ELMO1: variants seen among roughly 807,000 people sequenced by gnomAD.
ELMO1 encodes engulfment and cell motility protein 1.
A neutral mutation model predicts 98.9 loss-of-function variants in ELMO1; 26 were observed. The observed-to-expected ratio is 0.26, with a 90% CI of 0.19 to 0.36. The LOEUF (loss-of-function observed/expected upper bound fraction) is 0.36, where lower values mean the gene tolerates loss of function less well. Ranked by LOEUF, ELMO1 falls within the 10% of genes least tolerant of loss-of-function variation. The probability of loss-of-function intolerance (pLI) is 1.00; values close to 1 mark genes in which losing one functional copy is unlikely to be tolerated. For missense variants in ELMO1, 627 were observed against 935.2 expected, an observed-to-expected ratio of 0.67 and a Z score of 4.30; for synonymous variants, 346 against 346.0, an observed-to-expected ratio of 1.00 and a Z score of 0.00.
chr7:37,429,852 G>A (rs1804859547), intron 1 of ELMO1: 1 of 152,198 alleles, frequency 6.6e-6, no homozygotes, highest in South Asian at 2.1e-4. Context: ...CATCCCTAAG[G>A]GGGCTTCAGA....
At chr7:37,248,759 C>T (rs922602696) in intron 6 of ELMO1, among the ~76,000 whole-genome samples, 1 of 152,230 alleles carries the variant, frequency 6.6e-6, no homozygotes, top group Non-Finnish European at 1.5e-5. Context: ...GGCTGCAAGG[C>T]AGCAAGTAGA....
chr7:37,124,886 T>C (rs982156264), intron 14 of ELMO1, among the ~76,000 whole-genome samples: 2 of 152,180 alleles, frequency 1.3e-5, no homozygotes, highest in Non-Finnish European at 2.9e-5. Context: ...CTTCAAACTA[T>C]ACTATAAGGC....
At chr7:37,442,522 C>T (rs1023024536) in intron 1 of ELMO1, among the ~76,000 whole-genome samples, 15 of 152,140 alleles carry the variant, frequency 9.9e-5, no homozygotes, top group Admixed American at 2.0e-4. Flanking sequence ...AAAGAATAAA[C>T]GCCCATTCTT....
intron 16 of ELMO1, among the ~76,000 whole-genome samples, chr7:36,899,700 T>TTTTTTTTTTTTTTTTTTTTTTTTTTTTC (rs60221089): frequency 7.0e-6 from 1 of 143,542 alleles, no homozygotes; most frequent in Non-Finnish European, 1.5e-5. Flanking sequence ...TTTTTTTTTT[T>TTTTTTTTTTTTTTTTTTTTTTTTTTTTC]ACCACTCCTA....
chr7:37,405,389 C>T (rs1281259047), intron 1 of ELMO1, among the ~76,000 whole-genome samples: 1 of 152,172 alleles, frequency 6.6e-6, no homozygotes, highest in Non-Finnish European at 1.5e-5. Flanking sequence ...ACACCCAGAG[C>T]TTGCTTATCT....
chr7:36,908,862 C>T (rs1371339021), intron 16 of ELMO1, among the ~76,000 whole-genome samples: 1 of 152,196 alleles, frequency 6.6e-6, no homozygotes, highest in African/African-American at 2.4e-5. Context: ...CAACAGAATG[C>T]TGACTATTAG....
chr7:36,927,340 C>G (rs1161042594), intron 16 of ELMO1, among the ~76,000 whole-genome samples: 1 of 152,158 alleles, frequency 6.6e-6, no homozygotes, highest in Non-Finnish European at 1.5e-5. Flanking sequence ...AAACAACTAG[C>G]GAAATCAAGA....
intron 1 of ELMO1, among the ~76,000 whole-genome samples, chr7:37,436,318 T>C (rs751114944): frequency 1.3e-5 from 2 of 152,216 alleles, no homozygotes; most frequent in African/African-American, 4.8e-5. Context: ...GAATAACCCA[T>C]GTTTACCACT....
intron 17 of ELMO1, among the ~76,000 whole-genome samples, chr7:36,889,294 G>A (rs1805340460): frequency 6.6e-6 from 1 of 152,130 alleles, no homozygotes; most frequent in Non-Finnish European, 1.5e-5. Flanking sequence ...CCCTGTACAG[G>A]TCTCTTAGGG....
At chr7:36,976,691 T>C (rs985110029) in intron 16 of ELMO1, among the ~76,000 whole-genome samples, 1 of 152,228 alleles carries the variant, frequency 6.6e-6, no homozygotes, top group Non-Finnish European at 1.5e-5. Flanking sequence ...GGCCTTTCTT[T>C]TATCAAGAGG....
In ELMO1 at chr7:36,901,036, A is replaced by T. The variant is rs116323707; in HGVS notation, c.1438-6019T>A. On this transcript the variant is annotated intron_variant, in intron 16 of 21. Transcript: ENST00000310758. The stretch of plus-strand genomic sequence containing the variant: ...CACTCTAAGGGTACAATGTGGAGAA[A>T]TGGCCTTGCCCAGAAAAAGTGTCAG... Among the ~76,000 whole-genome samples, 1,379 of 152,286 alleles carry T rather than the reference A, an allele frequency of 9.1e-3. 19 individuals carry two copies. Among genetic ancestry groups the T allele is most frequent in the African/African-American group, 0.031 (1,291 of 41,546 alleles).
chr7:36,985,866 A>G, intron 16 of ELMO1: 1 of 990,314 alleles, frequency 1.0e-6, no homozygotes, highest in Non-Finnish European at 1.2e-6. Context: ...ACAAAGCTAC[A>G]TTTAGCTCAG....
At chr7:37,427,364 C>T (rs1390262920) in intron 1 of ELMO1, among the ~76,000 whole-genome samples, 4 of 152,184 alleles carry the variant, frequency 2.6e-5, no homozygotes, top group Non-Finnish European at 1.5e-5. Flanking sequence ...CCAGGAAAAA[C>T]ACTTGCTTTA....
intron 5 of ELMO1, among the ~76,000 whole-genome samples, chr7:37,265,334 A>G (rs1457764702): frequency 6.6e-6 from 1 of 152,042 alleles, no homozygotes; most frequent in African/African-American, 2.4e-5. Flanking sequence ...TGTATCATCA[A>G]TTCTCTCTCT....
At chr7:37,313,571 G>A (rs934765822) in intron 4 of ELMO1, among the ~76,000 whole-genome samples, 1 of 152,292 alleles carries the variant, frequency 6.6e-6, no homozygotes, top group East Asian at 1.9e-4. Context: ...AACATTTGAC[G>A]TGAAGAAGAA....
intron 1 of ELMO1, among the ~76,000 whole-genome samples, chr7:37,408,878 T>C (rs1803884538): frequency 6.6e-6 from 1 of 152,214 alleles, no homozygotes; most frequent in African/African-American, 2.4e-5. Context: ...TGCTGTATAC[T>C]TCAAATGGTG....
At chr7:36,936,516 G>C (rs1786547690) in intron 16 of ELMO1, among the ~76,000 whole-genome samples, 1 of 152,146 alleles carries the variant, frequency 6.6e-6, no homozygotes, top group South Asian at 2.1e-4. Context: ...GGAGTGCCAT[G>C]GTGCAATCAT....
chr7:36,886,622 T>G (rs1406311797), intron 18 of ELMO1, among the ~76,000 whole-genome samples: 1 of 152,166 alleles, frequency 6.6e-6, no homozygotes, highest in Non-Finnish European at 1.5e-5. Flanking sequence ...CAAATCTTAC[T>G]TTTCAGTTTT....
chr7:37,000,495 G>C (rs756773496), intron 16 of ELMO1, among the ~76,000 whole-genome samples: 18 of 152,354 alleles, frequency 1.2e-4, no homozygotes, highest in Admixed American at 2.6e-4. Context: ...CAAGAACTGG[G>C]TCTTCCCACT....
Sources: gnomAD v4.1 joint callset for allele counts (sites outside exome capture counted in the v4.1 genomes callset) on GRCh38, gnomAD v4.1.1 for gene constraint, MANE v1.5 for transcripts, NCBI Gene and HGNC (gene_info 2026-07-23, HGNC 2026-07-21) for gene names.